KCNK2: variants seen among roughly 807,000 people sequenced by gnomAD.
KCNK2 encodes potassium two pore domain channel subfamily K member 2, also known as potassium channel subfamily K member 2.
A neutral mutation model predicts 40.5 loss-of-function variants in KCNK2; 21 were observed. The observed-to-expected ratio is 0.52, with a 90% CI of 0.37 to 0.75. The LOEUF (loss-of-function observed/expected upper bound fraction) is 0.75. Ranked by LOEUF, KCNK2 falls within the 30% of genes least tolerant of loss-of-function variation. The pLI, the probability that KCNK2 is intolerant of heterozygous loss-of-function variation, is 0.00. For missense variants in KCNK2, 399 were observed against 531.6 expected (o/e 0.75, Z 2.45); for synonymous variants, 191 against 202.2 (o/e 0.94, Z 0.47).
chr1:215,144,614 T>A (rs1662331980), intron 3 of KCNK2, among the ~76,000 whole-genome samples: 1 of 152,170 alleles, frequency 6.6e-6, no homozygotes, highest in Non-Finnish European at 1.5e-5. Context: ...CCACCAATAT[T>A]TCATTTTTTT....
At chr1:215,181,320 G>T (rs542735993) in intron 5 of KCNK2, among the ~76,000 whole-genome samples, 1 of 151,986 alleles carries the variant, frequency 6.6e-6, no homozygotes, top group Non-Finnish European at 1.5e-5. Flanking sequence ...AAGCTTCCTT[G>T]CAATCCATGC....
chr1:215,175,922 C>A (rs1348935600), intron 5 of KCNK2, among the ~76,000 whole-genome samples: 1 of 152,104 alleles, frequency 6.6e-6, no homozygotes, highest in African/African-American at 2.4e-5. Context: ...TGGATTGATT[C>A]CATGCCTTGG....
chr1:215,175,430 T>C (rs1663919273), intron 5 of KCNK2, among the ~76,000 whole-genome samples: 1 of 147,912 alleles, frequency 6.8e-6, no homozygotes, highest in African/African-American at 2.4e-5. Context: ...TAATTTTTGA[T>C]ACCAAATGTC....
Position 215,049,657 on chromosome 1 carries a change from G to A in KCNK2, c.35-36711G>A, listed in dbSNP as rs1374314471. 5.9e-5 allele frequency among the ~76,000 whole-genome samples: 9 copies of A among 152,038 alleles called. 1 individual carries two copies. Among genetic ancestry groups the A allele is most frequent in the Admixed American group, 4.6e-4 (7 of 15,268 alleles). On this transcript the variant is annotated intron_variant, in intron 1 of 6. Coordinates refer to the KCNK2 transcript ENST00000391895. ...CAGTGAGGCACATAATTCATTTTGA[G>A]TGAATTTTTGAATAAAATATGAGGT...
intron 3 of KCNK2, among the ~76,000 whole-genome samples, chr1:215,167,210 A>G (rs1159266250): frequency 6.6e-6 from 1 of 152,162 alleles, no homozygotes; most frequent in East Asian, 1.9e-4. Context: ...AATGAAATAA[A>G]TACAAAAATT....
intron 1 of KCNK2, among the ~76,000 whole-genome samples, chr1:215,037,723 A>T (rs1230835193): frequency 2.0e-5 from 3 of 151,920 alleles, no homozygotes; most frequent in Non-Finnish European, 4.4e-5. Context: ...GAATATTAAG[A>T]TAGTAATATA....
At chr1:215,209,291 A>G (rs1273068679) in intron 6 of KCNK2, among the ~76,000 whole-genome samples, 3 of 100,712 alleles carry the variant, frequency 3.0e-5, no homozygotes, top group African/African-American at 1.2e-4. Flanking sequence ...CATATTTTAT[A>G]TATAATATAT....
At chr1:215,225,646 G>A (rs559217729) in intron 6 of KCNK2, among the ~76,000 whole-genome samples, 1 of 152,326 alleles carries the variant, frequency 6.6e-6, no homozygotes, top group African/African-American at 2.4e-5. Context: ...CAGTCAGTTA[G>A]AATGTATGTA....
chr1:215,030,173 C>A (rs1657135464), intron 1 of KCNK2, among the ~76,000 whole-genome samples: 1 of 152,182 alleles, frequency 6.6e-6, no homozygotes. Context: ...AGCATCTTTT[C>A]ATACGCTTAT....
intron 2 of KCNK2, among the ~76,000 whole-genome samples, chr1:215,115,970 T>C (rs1660920289): frequency 6.6e-6 from 1 of 151,598 alleles, no homozygotes; most frequent in South Asian, 2.1e-4. Context: ...TTTTTTTTTT[T>C]TTCTATACAC....
chr1:215,124,074 C>T (rs993371286), intron 2 of KCNK2, among the ~76,000 whole-genome samples: 2 of 152,146 alleles, frequency 1.3e-5, no homozygotes, highest in African/African-American at 2.4e-5. Flanking sequence ...TCTACATCTA[C>T]ATGGACTGCC....
In KCNK2 at chr1:215,071,322, T is replaced by TG. The variant is rs1345486744; in HGVS notation, c.35-15046_35-15045insG. Reference sequence around the variant, plus strand: ...TCATGCACATTATCACATAGAGGGGTTTGCAGGGATGATAGATGAGAGTGT... The same window carrying TG: ...TCATGCACATTATCACATAGAGGGGTGTTGCAGGGATGATAGATGAGAGTGT... On this transcript the variant is annotated intron_variant, in intron 1 of 6. Coordinates refer to the KCNK2 transcript ENST00000391895. Among the ~76,000 whole-genome samples the TG allele has an allele frequency of 5.3e-4, 81 of 152,282 alleles. 1 individual carries two copies. Among genetic ancestry groups the TG allele is most frequent in the African/African-American group, 1.8e-3 (76 of 41,556 alleles).
chr1:215,183,424 T>A (rs1332349286), intron 5 of KCNK2, among the ~76,000 whole-genome samples: 1 of 152,208 alleles, frequency 6.6e-6, no homozygotes, highest in African/African-American at 2.4e-5. Flanking sequence ...CATGTAGACC[T>A]AAAGTGTCTA....
intron 6 of KCNK2, among the ~76,000 whole-genome samples, chr1:215,221,330 C>T (rs1278540669): frequency 6.6e-5 from 10 of 152,058 alleles, no homozygotes; most frequent in East Asian, 1.9e-4. Flanking sequence ...GCTGAGATCG[C>T]GCCACTACAC....
intron 6 of KCNK2, among the ~76,000 whole-genome samples, chr1:215,209,410 T>TA (rs1665491144): frequency 5.3e-5 from 3 of 56,254 alleles, no homozygotes; most frequent in African/African-American, 2.3e-4. Flanking sequence ...AAAATATGCA[T>TA]ATATTATATA....
chr1:215,169,698 A>G (rs1663612060), intron 4 of KCNK2, among the ~76,000 whole-genome samples: 2 of 151,110 alleles, frequency 1.3e-5, no homozygotes, highest in Admixed American at 1.3e-4. Context: ...GTGCAATGGT[A>G]CAATGGGTGC....
At position 215,124,685 on chromosome 1, in the gene KCNK2, A is replaced by G; in HGVS notation, c.410A>G (p.Asn137Ser). Residue 137 changes from asparagine (N) to serine (S), a missense_variant, in exon 3 of 7, where the codon AAT becomes AGT. Coordinates refer to ENST00000444842, the MANE Select transcript of KCNK2 (RefSeq NM_001017425.3). ...AGIIPLGNTS[N>S]QISHWDLGSS... ...ATTATACCGTTAGGAAACACCTCCA[A>G]TCAAATCAGTCACTGGGATTTGGGA... 6.2e-7 allele frequency: 1 copy of G among 1,613,336 alleles called. No homozygotes were observed.
chr1:215,209,409 A>ATGTAT (rs1665490874), intron 6 of KCNK2, among the ~76,000 whole-genome samples: 1 of 21,926 alleles, frequency 4.6e-5, no homozygotes, highest in African/African-American at 2.0e-4. Flanking sequence ...TAAAATATGC[A>ATGTAT]TATATTATAT....
intron 1 of KCNK2, among the ~76,000 whole-genome samples, chr1:215,023,838 G>A (rs909544758): frequency 6.6e-6 from 1 of 152,190 alleles, no homozygotes; most frequent in African/African-American, 2.4e-5. Context: ...TCTGAGATGT[G>A]TCCAACCTAA....
Sources: gnomAD v4.1 joint callset for allele counts (sites outside exome capture counted in the v4.1 genomes callset) on GRCh38, gnomAD v4.1.1 for gene constraint, MANE v1.5 for transcripts, NCBI Gene and HGNC (gene_info 2026-07-23, HGNC 2026-07-21) for gene names.